The following EIPR1 variants were observed in gnomAD, a reference collection of about 807,000 sequenced individuals.
The protein encoded by EIPR1 is EARP complex and GARP complex interacting protein 1, also known as EARP and GARP complex-interacting protein 1.
In EIPR1, 25 loss-of-function variants were observed where a neutral mutation model predicts 48.1. The observed-to-expected ratio is 0.52, with a 90% CI of 0.38 to 0.73. The LOEUF (loss-of-function observed/expected upper bound fraction) is 0.73. EIPR1 is among the 30% of genes least tolerant of loss of function. EIPR1 has a pLI of 0.00. For missense variants in EIPR1, 415 were observed against 506.2 expected, an observed-to-expected ratio of 0.82 and a Z score of 1.73; for synonymous variants, 204 against 201.9, an observed-to-expected ratio of 1.01 and a Z score of -0.09.
intron 2 of EIPR1, among the ~76,000 whole-genome samples, chr2:3,342,145 GAAC>G (rs1227323780): frequency 6.6e-6 from 1 of 151,684 alleles, no homozygotes; most frequent in Non-Finnish European, 1.5e-5. Flanking sequence ...AAGAATAAAT[GAAC>G]AAAAAAAGTG....
intron 4 of EIPR1, among the ~76,000 whole-genome samples, chr2:3,255,240 T>C (rs1160045820): frequency 6.6e-6 from 1 of 151,732 alleles, no homozygotes; most frequent in East Asian, 1.9e-4. Flanking sequence ...TGGAGTGCAG[T>C]AGCCTGATCT....
chr2:3,331,334 C>A lies in EIPR1; in HGVS notation c.259+6683G>T, dbSNP rs1162882953. Among the ~76,000 whole-genome samples, 3 of 65,614 alleles carry A rather than the reference C, an allele frequency of 4.6e-5. 1 individual carries two copies. Among genetic ancestry groups the A allele is most frequent in the African/African-American group, 2.9e-4 (3 of 10,470 alleles). 43.0% of individuals were successfully genotyped at this position (65,614 alleles called of 152,430 possible). The stretch of plus-strand genomic sequence containing the variant: ...CAGCAGAGGCAGGTGTGTATACACT[C>A]ATGAGATGGTGTGAGCAGAGGCAGG... On this transcript the variant is annotated intron_variant, in intron 3 of 8. Coordinates refer to ENST00000382125, the MANE Select transcript of EIPR1 (RefSeq NM_003310.5).
At chr2:3,249,326 T>A (rs1056554418) in intron 4 of EIPR1, among the ~76,000 whole-genome samples, 1 of 152,214 alleles carries the variant, frequency 6.6e-6, no homozygotes, top group Non-Finnish European at 1.5e-5. Flanking sequence ...TTGGCTGCAT[T>A]GTGTCCATTC....
intron 1 of EIPR1, among the ~76,000 whole-genome samples, chr2:3,370,600 T>A (rs1464682572): frequency 1.3e-5 from 2 of 152,106 alleles, no homozygotes; most frequent in Admixed American, 6.5e-5. Flanking sequence ...TGCAGAAGCC[T>A]CAGGAGCCGA....
intron 3 of EIPR1, among the ~76,000 whole-genome samples, chr2:3,323,403 T>A (rs1267092453): frequency 6.6e-6 from 1 of 152,194 alleles, no homozygotes; most frequent in African/African-American, 2.4e-5. Flanking sequence ...CATGAGGACA[T>A]CCATGCCCTT....
At chr2:3,218,611 C>T (rs1665737390) in intron 4 of EIPR1, among the ~76,000 whole-genome samples, 2 of 149,438 alleles carry the variant, frequency 1.3e-5, no homozygotes. Context: ...CCCTGATACA[C>T]TCTAGAGCTT....
intron 3 of EIPR1, among the ~76,000 whole-genome samples, chr2:3,281,911 T>A (rs1440924627): frequency 1.3e-5 from 2 of 152,170 alleles, no homozygotes; most frequent in Non-Finnish European, 2.9e-5. Context: ...TTCTGCGGGA[T>A]GATAGAGACC....
chr2:3,243,358 G>A (rs1666697031), intron 4 of EIPR1, among the ~76,000 whole-genome samples: 1 of 151,994 alleles, frequency 6.6e-6, no homozygotes, highest in South Asian at 2.1e-4. Flanking sequence ...GGCCAGGCAC[G>A]GTGGCTCACA....
chr2:3,298,184 C>T (rs946104111), intron 3 of EIPR1, among the ~76,000 whole-genome samples: 2 of 152,308 alleles, frequency 1.3e-5, no homozygotes, highest in African/African-American at 2.4e-5. Context: ...GCTTGAGATT[C>T]GTGCGGCCCA....
intron 4 of EIPR1, among the ~76,000 whole-genome samples, chr2:3,254,205 C>T (rs1298900431): frequency 6.6e-6 from 1 of 152,184 alleles, no homozygotes; most frequent in African/African-American, 2.4e-5. Flanking sequence ...AACACTTTCA[C>T]ACCATGGAAG....
At chr2:3,341,653 C>T (rs1269973985) in intron 2 of EIPR1, among the ~76,000 whole-genome samples, 1 of 147,832 alleles carries the variant, frequency 6.8e-6, no homozygotes, top group Non-Finnish European at 1.5e-5. Context: ...TGTGAATGTG[C>T]ATGTATGTGT....
intron 3 of EIPR1, among the ~76,000 whole-genome samples, chr2:3,282,319 T>C (rs1033673981): frequency 7.2e-5 from 11 of 152,214 alleles, no homozygotes; most frequent in Non-Finnish European, 1.6e-4. Context: ...GGACTGAACA[T>C]GCTTTTACCC....
chr2:3,342,484 G>A (rs1275537057), intron 2 of EIPR1, among the ~76,000 whole-genome samples: 2 of 152,272 alleles, frequency 1.3e-5, no homozygotes. Flanking sequence ...GCAGCCGGGG[G>A]CTTTCTGGGC....
intron 4 of EIPR1, among the ~76,000 whole-genome samples, chr2:3,221,815 G>A (rs1319975601): frequency 3.5e-5 from 5 of 143,562 alleles, no homozygotes; most frequent in African/African-American, 1.4e-4. Context: ...GTCAGTTGAG[G>A]ACACAAGCCC....
intron 3 of EIPR1, among the ~76,000 whole-genome samples, chr2:3,309,071 C>A (rs988087620): frequency 5.3e-5 from 8 of 152,162 alleles, no homozygotes; most frequent in Non-Finnish European, 8.8e-5. Context: ...TGGGCAAAAA[C>A]CAGTAAATAC....
At chr2:3,331,127 GAGC>G (rs1271355609) in intron 3 of EIPR1, among the ~76,000 whole-genome samples, 1 of 134,570 alleles carries the variant, frequency 7.4e-6, no homozygotes, top group Non-Finnish European at 1.7e-5. Context: ...GAGGTGGTGT[GAGC>G]AGAAGCAGGC....
intron 3 of EIPR1, among the ~76,000 whole-genome samples, chr2:3,332,407 G>A (rs114992701): frequency 3.7e-4 from 56 of 152,314 alleles, no homozygotes; most frequent in South Asian, 1.9e-3. Flanking sequence ...AATTCCCTGC[G>A]TGACCAGGCT....
intron 4 of EIPR1, among the ~76,000 whole-genome samples, chr2:3,242,569 A>G (rs1666670513): frequency 6.6e-6 from 1 of 150,738 alleles, no homozygotes; most frequent in African/African-American, 2.4e-5. Context: ...CACACCACAC[A>G]CCAGGCAGCA....
intron 5 of EIPR1, among the ~76,000 whole-genome samples, chr2:3,211,767 G>A (rs553273011): frequency 6.6e-6 from 1 of 152,308 alleles, no homozygotes; most frequent in South Asian, 2.1e-4. Context: ...GAATCCTCAC[G>A]CAAGCTTCCT....
Sources: gnomAD v4.1 joint callset for allele counts (sites outside exome capture counted in the v4.1 genomes callset) on GRCh38, gnomAD v4.1.1 for gene constraint, MANE v1.5 for transcripts, NCBI Gene and HGNC (gene_info 2026-07-23, HGNC 2026-07-21) for gene names.